The following MPP7 variants were observed in gnomAD, a reference collection of about 807,000 sequenced individuals.
The protein encoded by MPP7 is MAGUK p55 scaffold protein 7.
A neutral mutation model predicts 76.5 loss-of-function variants in MPP7; 60 were observed. The ratio of observed to expected loss-of-function variants is 0.78; its 90% CI spans 0.64 to 0.97. The LOEUF (loss-of-function observed/expected upper bound fraction) is 0.97. Among genes scored for constraint, MPP7 ranks in the 50% least tolerant of loss-of-function variants. MPP7 has a pLI of 0.00. For synonymous variants in MPP7, 237 were observed against 244.5 expected (o/e 0.97, Z 0.29); for missense variants, 641 against 694.0 (o/e 0.92, Z 0.86).
At chr10:28,180,772 G>C (rs1392041667) in intron 3 of MPP7, among the ~76,000 whole-genome samples, 1 of 152,150 alleles carries the variant, frequency 6.6e-6, no homozygotes, top group African/African-American at 2.4e-5. Context: ...CCACCACCTG[G>C]AACATCAGCA....
chr10:28,262,277 A>ATATTTTT (rs1564741785), intron 1 of MPP7, among the ~76,000 whole-genome samples: 1 of 54,352 alleles, frequency 1.8e-5, no homozygotes, highest in African/African-American at 8.3e-5. Flanking sequence ...ATATATATAT[A>ATATTTTT]TTTTTTTTTT....
rs1309882011 is a variant in MPP7 at position 28,142,272 on chromosome 10, T to C, written c.315+5211A>G. Reference sequence around the variant, plus strand: ...GGAGAAATCTATAATAATGATTTTATATTCTTATGTCACTCACAAGTCATT... The same window carrying C: ...GGAGAAATCTATAATAATGATTTTACATTCTTATGTCACTCACAAGTCATT... On this transcript the variant is annotated intron_variant, in intron 5 of 16. Coordinates refer to ENST00000683449, the MANE Select transcript of MPP7 (RefSeq NM_001318170.2). Among the ~76,000 whole-genome samples the C allele has an allele frequency of 3.9e-5, 6 of 152,218 alleles. No individual in the cohort carries two copies. In the East Asian group the frequency reaches 1.2e-3, roughly 29 times the overall value.
chr10:28,118,285 T>C (rs1834720917), intron 11 of MPP7: 2 of 983,096 alleles, frequency 2.0e-6, no homozygotes, highest in Admixed American at 1.2e-4. Flanking sequence ...TATAGTTCTT[T>C]TAAAGAAATA....
At chr10:28,321,620 C>A (rs776021613) in intron 2 of MPP7, among the ~76,000 whole-genome samples, 6 of 152,020 alleles carry the variant, frequency 3.9e-5, no homozygotes, top group Non-Finnish European at 7.4e-5. Context: ...GGGTCTTGCT[C>A]ATCACCCAGG....
chr10:28,096,408 TA>T lies in MPP7; in HGVS notation c.953-6568del, dbSNP rs1362923294. On this transcript the variant is annotated intron_variant, in intron 11 of 16. Coordinates refer to ENST00000683449, the MANE Select transcript of MPP7 (RefSeq NM_001318170.2). ...TTTTAACGGTTAGTGGAGTTGAGGGTATTTTTTTCATGTTTATTACTCACTT... is the reference window on the plus strand; with the variant it reads ...TTTTAACGGTTAGTGGAGTTGAGGGTTTTTTTTCATGTTTATTACTCACTT... Among the ~76,000 whole-genome samples the T allele has an allele frequency of 3.9e-5, 6 of 152,296 alleles. No individual in the cohort carries two copies. In the East Asian group the frequency reaches 1.2e-3, roughly 29 times the overall value.
intron 3 of MPP7, among the ~76,000 whole-genome samples, chr10:28,153,368 G>C (rs1330370317): frequency 6.6e-6 from 1 of 152,176 alleles, no homozygotes; most frequent in African/African-American, 2.4e-5. Context: ...GAAGTCTGGA[G>C]AAAAGGGGAA....
chr10:28,316,528 G>A (rs534485171), intron 2 of MPP7, among the ~76,000 whole-genome samples: 2 of 146,122 alleles, frequency 1.4e-5, no homozygotes, highest in East Asian at 2.0e-4. Context: ...ATGCACCAGC[G>A]CTGATTCATT....
At chr10:28,089,103 G>A (rs1323389264) in intron 12 of MPP7, among the ~76,000 whole-genome samples, 1 of 152,066 alleles carries the variant, frequency 6.6e-6, no homozygotes, top group Non-Finnish European at 1.5e-5. Flanking sequence ...TGTAGAGATG[G>A]GGCTTCACCA....
intron 1 of MPP7, among the ~76,000 whole-genome samples, chr10:28,333,129 C>T (rs1342825436): frequency 6.6e-6 from 1 of 152,114 alleles, no homozygotes; most frequent in Non-Finnish European, 1.5e-5. Flanking sequence ...CTGGAATACA[C>T]TATTCTAATT....
Position 28,166,200 on chromosome 10 carries a change from T to C in MPP7, c.157-16141A>G, listed in dbSNP as rs371366432. ...CTACTCTTTTATTCTTTATCTTATA[T>C]CATTCAGTACATAAAAGAGCATGTA... On this transcript the variant is annotated intron_variant, in intron 3 of 16. Transcript: ENST00000683449. Among the ~76,000 whole-genome samples the C allele has an allele frequency of 9.2e-5, 14 of 152,034 alleles. No homozygotes were observed. The South Asian group carries it at 2.7e-3, about 29-fold the overall frequency.
chr10:28,193,487 A>G (rs1375598097), intron 3 of MPP7, among the ~76,000 whole-genome samples: 1 of 152,152 alleles, frequency 6.6e-6, no homozygotes, highest in Non-Finnish European at 1.5e-5. Flanking sequence ...CCGGGATTAC[A>G]GGCGTGAGTC....
chr10:28,213,604 C>A (rs910364311), intron 2 of MPP7, among the ~76,000 whole-genome samples: 3 of 151,660 alleles, frequency 2.0e-5, no homozygotes, highest in Non-Finnish European at 4.4e-5. Context: ...ACCAGCCTGG[C>A]CAACATGGTG....
chr10:28,329,276 C>T (rs1416092664), intron 2 of MPP7, among the ~76,000 whole-genome samples: 1 of 152,114 alleles, frequency 6.6e-6, no homozygotes, highest in Non-Finnish European at 1.5e-5. Flanking sequence ...TGAGGGAATG[C>T]TGTCTCTCTT....
intron 1 of MPP7, among the ~76,000 whole-genome samples, chr10:28,331,942 T>C (rs2133193780): frequency 6.6e-6 from 1 of 152,290 alleles, no homozygotes; most frequent in South Asian, 2.1e-4. Context: ...TCCTTGGTAT[T>C]GCTGAAGTCA....
At chr10:28,222,851 C>CAAAA (rs71908213) in intron 2 of MPP7, among the ~76,000 whole-genome samples, 13 of 117,676 alleles carry the variant, frequency 1.1e-4, no homozygotes, top group African/African-American at 3.8e-4. Context: ...GACTCCATCT[C>CAAAA]AAAAAAAAAA....
chr10:28,292,823 A>G (rs917935969), intron 1 of MPP7, among the ~76,000 whole-genome samples: 8 of 152,206 alleles, frequency 5.3e-5, no homozygotes, highest in Admixed American at 2.0e-4. Context: ...CAGAGCAGGG[A>G]GCCTAAAAAG....
At chr10:28,199,644 T>C (rs890211121) in intron 3 of MPP7, among the ~76,000 whole-genome samples, 2 of 152,156 alleles carry the variant, frequency 1.3e-5, no homozygotes, top group African/African-American at 4.8e-5. Flanking sequence ...AGAGTCTCTG[T>C]CATCCAGACT....
chr10:28,242,688 C>T (rs1220453708), intron 1 of MPP7, among the ~76,000 whole-genome samples: 1 of 152,138 alleles, frequency 6.6e-6, no homozygotes, highest in Non-Finnish European at 1.5e-5. Flanking sequence ...TGCACTGTAC[C>T]AGCATTTGCA....
At position 28,165,429 on chromosome 10, in the gene MPP7, G is replaced by T. The variant is rs145433232; in HGVS notation, c.157-15370C>A. On this transcript the variant is annotated intron_variant, in intron 3 of 16. Coordinates refer to ENST00000683449, the MANE Select transcript of MPP7 (RefSeq NM_001318170.2). The stretch of plus-strand genomic sequence containing the variant: ...TAATCCCAAATTCTCAGGAGTCTTA[G>T]GTGGGAGGATTGCTTAAGCCCAGGA... Among the ~76,000 whole-genome samples, 515 of 151,918 alleles carry T rather than the reference G, an allele frequency of 3.4e-3. 1 individual carries two copies. The highest frequency in any genetic ancestry group is 0.011 in the African/African-American group (449 of 41,424).
Sources: allele counts gnomAD v4.1 joint callset (sites outside exome capture counted in the v4.1 genomes callset), GRCh38; gene constraint gnomAD v4.1.1; transcripts MANE v1.5; gene names NCBI Gene and HGNC (gene_info 2026-07-23, HGNC 2026-07-21).